Variants in MYO5B observed in about 807,000 individuals in gnomAD.
MYO5B encodes the protein myosin VB, also known as unconventional myosin-Vb.
In MYO5B, 143 loss-of-function variants were observed where a neutral mutation model predicts 229.3. The ratio of observed to expected loss-of-function variants is 0.62; its 90% confidence interval spans 0.54 to 0.72. MYO5B has a LOEUF of 0.72. Ranked by LOEUF, MYO5B falls within the 30% of genes least tolerant of loss-of-function variation. MYO5B has a pLI of 0.00. For synonymous variants in MYO5B, 918 were observed against 885.2 expected (o/e 1.04, Z -0.66); for missense variants, 2,321 against 2,331.0 (o/e 1.00, Z 0.09).
chr18:50,044,233 G>A (rs2030156223), intron 2 of MYO5B, among the ~76,000 whole-genome samples: 1 of 152,150 alleles, frequency 6.6e-6, no homozygotes, highest in Non-Finnish European at 1.5e-5. Flanking sequence ...GACGTCCAGA[G>A]GGAAGGCAGG....
intron 1 of MYO5B, among the ~76,000 whole-genome samples, chr18:50,122,293 T>G (rs1238656426): frequency 1.3e-5 from 2 of 151,796 alleles, no homozygotes; most frequent in African/African-American, 4.8e-5. Flanking sequence ...TCTTCTTTGG[T>G]GGCGCTTAAT....
At chr18:50,087,572 CAAAAAA>C (rs3075643) in intron 1 of MYO5B, among the ~76,000 whole-genome samples, 1 of 85,652 alleles carries the variant, frequency 1.2e-5, no homozygotes, top group African/African-American at 3.9e-5. Context: ...GACTCCATCT[CAAAAAA>C]AAAAAAAAAA....
At chr18:49,952,571 A>G (rs1474189505) in intron 14 of MYO5B, among the ~76,000 whole-genome samples, 2 of 152,192 alleles carry the variant, frequency 1.3e-5, no homozygotes, top group African/African-American at 4.8e-5. Flanking sequence ...TCTTTGTGTG[A>G]AAATGGTGTG....
intron 31 of MYO5B, chr18:49,850,407 G>C (rs1181853701): frequency 6.5e-6 from 1 of 152,760 alleles, no homozygotes; most frequent in Non-Finnish European, 1.5e-5. Context: ...TTTAAGATCA[G>C]CCTGTTGACA....
At chr18:49,967,261 A>G (rs987441055) in intron 10 of MYO5B, among the ~76,000 whole-genome samples, 2 of 152,226 alleles carry the variant, frequency 1.3e-5, no homozygotes, top group African/African-American at 2.4e-5. Flanking sequence ...AGTAAGGGAC[A>G]CAGATGCCTC....
chr18:50,031,044 C>T (rs1177716310), intron 4 of MYO5B, among the ~76,000 whole-genome samples: 1 of 152,152 alleles, frequency 6.6e-6, no homozygotes, highest in African/African-American at 2.4e-5. Context: ...CCTTTTGCCC[C>T]TTAGTGCTAC....
chr18:49,853,329 G>A, intron 31 of MYO5B, 120 bp downstream of exon 31: 1 of 988,006 alleles, frequency 1.0e-6, no homozygotes. Context: ...TAGAATCTCT[G>A]TTCCTACTAT....
intron 14 of MYO5B, among the ~76,000 whole-genome samples, chr18:49,937,654 A>G (rs1477329480): frequency 3.3e-5 from 5 of 152,236 alleles, no homozygotes; most frequent in African/African-American, 1.2e-4. Flanking sequence ...TAAATTCAAT[A>G]TAAAGAAATG....
intron 1 of MYO5B, among the ~76,000 whole-genome samples, chr18:50,188,817 A>ACT: frequency 1.6e-5 from 1 of 62,746 alleles, no homozygotes; most frequent in East Asian, 6.0e-4. Flanking sequence ...AAAAAAAAAA[A>ACT]CACACACACC....
At chr18:49,871,497 T>C (rs928453445) in intron 27 of MYO5B, 1 of 156,706 alleles carries the variant, frequency 6.4e-6, no homozygotes, top group African/African-American at 2.4e-5. Context: ...TTCAAGACTG[T>C]TCTCCTGGGC....
chr18:50,011,684 C>T (rs1025696280), intron 4 of MYO5B, among the ~76,000 whole-genome samples: 1 of 151,902 alleles, frequency 6.6e-6, no homozygotes, highest in Admixed American at 6.6e-5. Context: ...TTCTAATCCA[C>T]CCCACGAAGC....
At chr18:50,176,548 T>C (rs1476798782) in intron 1 of MYO5B, among the ~76,000 whole-genome samples, 1 of 152,186 alleles carries the variant, frequency 6.6e-6, no homozygotes, top group Non-Finnish European at 1.5e-5. Context: ...GGAGGTGTTT[T>C]CCTAGAGTCT....
intron 14 of MYO5B, among the ~76,000 whole-genome samples, chr18:49,948,797 C>T (rs2025402233): frequency 6.6e-6 from 1 of 152,066 alleles, no homozygotes; most frequent in Admixed American, 6.5e-5. Context: ...GAGTGAACAC[C>T]TGGGCCTTGT....
At chr18:49,888,541 T>C (rs763993919) in intron 22 of MYO5B, among the ~76,000 whole-genome samples, 2 of 151,710 alleles carry the variant, frequency 1.3e-5, no homozygotes, top group Non-Finnish European at 2.9e-5. Flanking sequence ...ATGTGAAGAG[T>C]TCTACGTTGC....
At chr18:50,086,850 C>T (rs2031341329) in intron 1 of MYO5B, among the ~76,000 whole-genome samples, 1 of 152,168 alleles carries the variant, frequency 6.6e-6, no homozygotes, top group Non-Finnish European at 1.5e-5. Flanking sequence ...AACTGGTCAA[C>T]TCACAGAAAT....
At chr18:49,849,082 C>T (rs962810974) in intron 32 of MYO5B, among the ~76,000 whole-genome samples, 1 of 151,966 alleles carries the variant, frequency 6.6e-6, no homozygotes, top group South Asian at 2.1e-4. Context: ...GTGAGATTTG[C>T]AGCAGGGAGT....
intron 23 of MYO5B, among the ~76,000 whole-genome samples, chr18:49,880,150 T>G (rs368975112): frequency 1.3e-5 from 2 of 152,200 alleles, no homozygotes; most frequent in Non-Finnish European, 1.5e-5. Context: ...CCAAGTCTCA[T>G]GTACAATGTT....
intron 1 of MYO5B, among the ~76,000 whole-genome samples, chr18:50,095,771 G>C (rs1599017285): frequency 6.6e-6 from 1 of 152,190 alleles, no homozygotes; most frequent in East Asian, 1.9e-4. Context: ...CCTCACTCAT[G>C]AACACATCCA....
chr18:50,101,424 C>A (rs1599021053), intron 1 of MYO5B, among the ~76,000 whole-genome samples: 2 of 152,064 alleles, frequency 1.3e-5, no homozygotes, highest in East Asian at 3.9e-4. Context: ...TATTGATTGA[C>A]ACATATTAAA....
Sources: gnomAD v4.1 joint callset for allele counts (sites outside exome capture counted in the v4.1 genomes callset) on GRCh38, gnomAD v4.1.1 for gene constraint, MANE v1.5 for transcripts, NCBI Gene and HGNC (gene_info 2026-07-23, HGNC 2026-07-21) for gene names.